The following IFT172 variants were observed in gnomAD, a reference collection of about 807,000 sequenced individuals.
IFT172 encodes the protein intraflagellar transport protein 172 homolog.
IFT172 carries 164 observed loss-of-function variants against 248.9 expected under a neutral mutation model. The ratio of observed to expected loss-of-function variants is 0.66; its 90% CI spans 0.58 to 0.75. The LOEUF (loss-of-function observed/expected upper bound fraction) is 0.75, where lower values mean the gene tolerates loss of function less well. Among genes scored for constraint, IFT172 ranks in the 30% least tolerant of loss-of-function variants. IFT172 has a pLI of 0.00. For synonymous variants in IFT172, 729 were observed against 791.6 expected (o/e 0.92, Z 1.33); for missense variants, 1,950 against 2,192.4 (o/e 0.89, Z 2.21).
chr2:27,483,500 T>A, intron 6 of IFT172, 80 bp downstream of exon 6: 1 of 1,502,374 alleles, frequency 6.7e-7, no homozygotes, highest in Non-Finnish European at 9.2e-7. Context: ...CCTTTCATAC[T>A]ATGGTCTTGC....
In IFT172 at chr2:27,472,231, C is replaced by T. The variant is rs1667624184; in HGVS notation, c.1524+19G>A. The stretch of plus-strand genomic sequence containing the variant: ...TCTGTGGGCCAGCCAATGCCTAAGG[C>T]CTTAGTAGCTCTTCTCACACGAAGT... On this transcript the variant is annotated intron_variant, in intron 15 of 47. Coordinates refer to ENST00000260570, the MANE Select transcript of IFT172 (RefSeq NM_015662.3). The T allele has an allele frequency of 1.3e-6, 2 of 1,578,470 alleles. No homozygotes were observed. The highest frequency in any genetic ancestry group is 1.7e-6 in the Non-Finnish European group (2 of 1,147,684).
chr2:27,445,827 G>T lies in IFT172; in HGVS notation c.4832C>A (p.Thr1611Asn). The T allele has an allele frequency of 6.2e-7, 1 of 1,614,164 alleles. No individual in the cohort carries two copies. The highest frequency in any genetic ancestry group is 1.6e-4 in the Middle Eastern group (1 of 6,062). Residue 1611 changes from threonine to asparagine, a missense_variant, in exon 45 of 48, where the codon ACT becomes AAT. Coordinates refer to ENST00000260570, the MANE Select transcript of IFT172 (RefSeq NM_015662.3). This position sits in a 1 kb window ranked among gnomAD's most constrained non-coding sequence, Gnocchi z 4.4. ...ATCAGAGTGGTCAAGGCCATCTAGA[G>T]TCCCTTCCTCGATTGCCTGCAGTAG... ...LDLTDAIEEG[T>N]LDGLDHSDFQ...
In IFT172 at chr2:27,483,347, T is replaced by A. The variant is rs748845217; in HGVS notation, c.512A>T (p.His171Leu). 6.2e-7 allele frequency: 1 copy of A among 1,607,896 alleles called. No individual in the cohort carries two copies. The part of the protein sequence containing the change: ...NCSGKGILSG[H>L]ADGTIVRYFF... ...ATACCTAACGATGGTACCATCTGCATGACCAGAGAGAATTCCTTTCCCAGA... is the reference window on the plus strand; with the variant it reads ...ATACCTAACGATGGTACCATCTGCAAGACCAGAGAGAATTCCTTTCCCAGA... The change falls in exon 7 of 48, where the codon CAT becomes CTT. Residue 171 changes from histidine to leucine, a missense_variant. By Grantham distance (99) the His-to-Leu change is moderately conservative. Around this residue, in one of 3 missense-constraint regions of IFT172, gnomAD observed 1,166 missense variants for 1,254.1 expected, o/e 0.93. Coordinates refer to ENST00000260570, the MANE Select transcript of IFT172 (RefSeq NM_015662.3).
At position 27,457,960 on chromosome 2, in the gene IFT172, G is replaced by A; in HGVS notation, c.2992C>T (p.Gln998Ter). ...REAERLYVTV[Q>*]EPDLAITMYK... ...ATGGTGATGGCAAGATCAGGCTCTT[G>A]TACTGTCACATATAGCCTGGGGAAG... is the stretch of plus-strand genomic sequence containing the variant. The change falls in exon 28 of 48, where the codon CAA becomes TAA. Residue 998 changes from glutamine (Q) to a stop codon, truncating the protein, a stop_gained. Coordinates refer to ENST00000260570, the MANE Select transcript of IFT172 (RefSeq NM_015662.3). LOFTEE classifies it high-confidence loss of function. 1 of 1,614,154 alleles carries A rather than the reference G, an allele frequency of 6.2e-7. No homozygotes were observed. Among genetic ancestry groups the A allele is most frequent in the Non-Finnish European group, 8.5e-7 (1 of 1,180,024 alleles).
intron 7 of IFT172, among the ~76,000 whole-genome samples, chr2:27,481,469 A>ACC (rs1276021154): frequency 4.7e-5 from 7 of 148,582 alleles, no homozygotes; most frequent in African/African-American, 1.5e-4. Context: ...ACACACACAC[A>ACC]CCCCTATACA....
At chr2:27,453,812 G>T in intron 33 of IFT172, 73 bp from the exon 34 acceptor site, 1 of 1,452,308 alleles carries the variant, frequency 6.9e-7, no homozygotes, top group Non-Finnish European at 9.5e-7. Flanking sequence ...AGGTACTCTG[G>T]CCCACAGACT....
At chr2:27,471,309 G>A (rs1198271564) in intron 15 of IFT172, 1 of 413,804 alleles carries the variant, frequency 2.4e-6, no homozygotes, top group East Asian at 4.0e-5. Context: ...CTACATCCCA[G>A]GAATTTTAAG....
intron 8 of IFT172, among the ~76,000 whole-genome samples, 163 bp from the exon 9 acceptor site, chr2:27,480,312 G>T (rs1302576615): frequency 6.6e-6 from 1 of 152,124 alleles, no homozygotes; most frequent in African/African-American, 2.4e-5. Flanking sequence ...AAGGTGCACA[G>T]GAAATAAGCT....
intron 14 of IFT172, among the ~76,000 whole-genome samples, chr2:27,474,978 A>C (rs1667861249): frequency 6.6e-6 from 1 of 152,238 alleles, no homozygotes; most frequent in Non-Finnish European, 1.5e-5. Context: ...TCTGCAATGC[A>C]AATAACCACC....
At chr2:27,457,777 T>G (rs542534608) in intron 28 of IFT172, 22 bp from the exon 29 acceptor site, 1 of 1,613,916 alleles carries the variant, frequency 6.2e-7, no homozygotes, top group South Asian at 1.1e-5. Context: ...TGAGTCAGGA[T>G]GGAGAGATGG....
chr2:27,461,228 G>A (rs761687071), intron 22 of IFT172, 41 bp downstream of exon 22: 2 of 1,612,968 alleles, frequency 1.2e-6, no homozygotes, highest in Non-Finnish European at 1.7e-6. Flanking sequence ...GAAGGGTCCT[G>A]AGCTCTGGAG....
In IFT172 at chr2:27,461,358, G is replaced by C. The variant is rs778136710; in HGVS notation, c.2353C>G (p.Leu785Val). 1 of 1,614,154 alleles carries C rather than the reference G, an allele frequency of 6.2e-7. No homozygotes were observed. The highest frequency in any genetic ancestry group is 8.5e-7 in the Non-Finnish European group (1 of 1,180,024). Residue 785 changes from leucine (L) to valine (V), a missense_variant, in exon 22 of 48, where the codon CTG (leucine) becomes GTG (valine). By Grantham distance (32) the Leu-to-Val change is conservative. Transcript: ENST00000260570. ...AGCAGTTCCTCTCGGGTCAGCACCA[G>C]CCGAGCAGCTTTGGCAGGGAGCCCA... ...KAGLPAKAAR[L>V]VLTREELLAN...
rs1665984306 is a variant in IFT172, at chr2:27,454,425, G to A, written c.3466-7C>T. On this transcript the variant is annotated splice_polypyrimidine_tract_variant and splice_region_variant and intron_variant, in intron 31 of 47. Transcript: ENST00000260570. This position sits in a 1 kb window ranked among gnomAD's most constrained non-coding sequence, Gnocchi z 4.2. ...CAGCCTCTTCGAATTTACCCTACAGGGAGAGAAAGGCAGCCGTGCATGATG... is the reference window on the plus strand; with the variant it reads ...CAGCCTCTTCGAATTTACCCTACAGAGAGAGAAAGGCAGCCGTGCATGATG... 1 of 1,614,028 alleles carries A rather than the reference G, an allele frequency of 6.2e-7. No individual in the cohort carries two copies. The highest frequency in any genetic ancestry group is 1.3e-5 in the African/African-American group (1 of 74,898).
At chr2:27,488,338 G>A (rs1668913801) in intron 1 of IFT172, among the ~76,000 whole-genome samples, 1 of 151,852 alleles carries the variant, frequency 6.6e-6, no homozygotes, top group South Asian at 2.1e-4. Flanking sequence ...ATTTTTAGTA[G>A]AGATGGGGTT....
At chr2:27,452,214 C>G (rs1665740588) in intron 35 of IFT172, among the ~76,000 whole-genome samples, 1 of 152,114 alleles carries the variant, frequency 6.6e-6, no homozygotes, top group African/African-American at 2.4e-5. Context: ...TGGCTCCTTC[C>G]CAAGTTAGAG....
chr2:27,446,075 C>G, intron 43 of IFT172, 87 bp from the exon 44 acceptor site: 3 of 1,523,698 alleles, frequency 2.0e-6, no homozygotes, highest in African/African-American at 2.7e-5. Flanking sequence ...TGGGAGTGAG[C>G]AAGCTGGGCT....
At position 27,461,129 on chromosome 2, in the gene IFT172, C is replaced by T. The variant is rs1172899631; in HGVS notation, c.2443-36G>A. On this transcript the variant is annotated intron_variant, in intron 22 of 47. Coordinates refer to ENST00000260570, the MANE Select transcript of IFT172 (RefSeq NM_015662.3). ...ATACCACATTACTATGATACCCCTA[C>T]AACACAAAGAACTAAGTATTAGCTC... 4 of 1,614,102 alleles carry T rather than the reference C, an allele frequency of 2.5e-6. No homozygotes were observed. The South Asian group carries it at 4.4e-5, about 18-fold the overall frequency.
At chr2:27,466,396 G>A (rs1447711005) in intron 16 of IFT172, among the ~76,000 whole-genome samples, 1 of 152,296 alleles carries the variant, frequency 6.6e-6, no homozygotes, top group African/African-American at 2.4e-5. Context: ...AGTGTCAGGA[G>A]AATAAACCTC....
At chr2:27,473,559 C>T (rs1343192950) in intron 14 of IFT172, among the ~76,000 whole-genome samples, 2 of 151,400 alleles carry the variant, frequency 1.3e-5, no homozygotes, top group Non-Finnish European at 2.9e-5. Flanking sequence ...ATCCGCCTGT[C>T]TCAGCCTCCC....
Sources: gnomAD v4.1 joint callset for allele counts (sites outside exome capture counted in the v4.1 genomes callset) on GRCh38, gnomAD v4.1.1 for gene constraint, gnomAD v4.1.1 regional missense constraint, Gnocchi (gnomAD v3.1) non-coding constraint, MANE v1.5 for transcripts, NCBI Gene and HGNC (gene_info 2026-07-23, HGNC 2026-07-21) for gene names.